Variants in ALB observed in about 807,000 individuals in gnomAD.
ALB encodes the protein albumin.
In ALB, 37 loss-of-function variants were observed where a neutral mutation model predicts 74.5. That is an observed-to-expected ratio of 0.50 (90% CI 0.38 to 0.65). The LOEUF is 0.65. ALB is among the 30% of genes least tolerant of loss of function. ALB has a pLI of 0.00. For missense variants in ALB, 685 were observed against 718.7 expected (o/e 0.95, Z 0.54); for synonymous variants, 249 against 251.6 (o/e 0.99, Z 0.10).
intron 6 of ALB, among the ~76,000 whole-genome samples, chr4:73,411,644 G>T (rs1023811306): frequency 1.1e-4 from 17 of 152,158 alleles, no homozygotes; most frequent in African/African-American, 3.9e-4. Flanking sequence ...GCTCAGAGAG[G>T]CTGAGCCCTC....
At chr4:73,404,996 G>A (rs1389433273) in intron 1 of ALB, 120 bp from the exon 2 acceptor site, 1 of 904,026 alleles carries the variant, frequency 1.1e-6, no homozygotes, top group East Asian at 2.6e-5. Context: ...AGGAATCAGA[G>A]CCCAATATTT....
chr4:73,409,399 C>T lies in ALB; in HGVS notation c.527C>T (p.Pro176Leu), dbSNP rs375860190. 9.9e-6 allele frequency: 16 copies of T among 1,613,804 alleles called. No individual in the cohort carries two copies. The highest frequency in any genetic ancestry group is 2.7e-5 in the African/African-American group (2 of 74,912). The change falls in exon 5 of 15, where the codon CCG becomes CTG. Residue 176 changes from proline (P) to leucine (L), a missense_variant. Transcript: ENST00000295897. ...IARRHPYFYA[P>L]ELLFFAKRYK... Reference sequence around the variant, plus strand: ...AGAAGACATCCTTACTTTTATGCCCCGGAACTCCTTTTCTTTGCTAAAAGG... The same window carrying T: ...AGAAGACATCCTTACTTTTATGCCCTGGAACTCCTTTTCTTTGCTAAAAGG...
rs202129361 is a variant in ALB at position 73,409,089 on chromosome 4, G to A, written c.483-266G>A. The A allele has an allele frequency of 5.0e-5, 29 of 574,574 alleles. No individual in the cohort carries two copies. In the South Asian group the frequency reaches 6.4e-4, roughly 13 times the overall value. 35.6% of individuals were successfully genotyped at this position (574,574 alleles called of 1,614,324 possible). On this transcript the variant is annotated intron_variant, in intron 4 of 14. Coordinates refer to ENST00000295897, the MANE Select transcript of ALB (RefSeq NM_000477.7). ...ATTACGAAGATATGTATATATGGTT[G>A]TTATAATTGATTTCGTTTTAGTCAG...
chr4:73,407,957 C>A (rs1718774073), intron 3 of ALB, among the ~76,000 whole-genome samples: 1 of 152,054 alleles, frequency 6.6e-6, no homozygotes, highest in African/African-American at 2.4e-5. Context: ...CATATGAAAT[C>A]TTAAAAATAC....
chr4:73,414,902 G>C, intron 8 of ALB, 133 bp from the exon 9 acceptor site: 1 of 1,098,144 alleles, frequency 9.1e-7, no homozygotes, highest in Non-Finnish European at 1.3e-6. Context: ...CAAGTCCTTA[G>C]CTACTAAGCT....
At chr4:73,413,684 C>T (rs763337522) in intron 8 of ALB, 50 bp downstream of exon 8, 98 of 1,560,090 alleles carry the variant, frequency 6.3e-5, no homozygotes, top group Non-Finnish European at 8.5e-5. Flanking sequence ...GACCTCACAA[C>T]TTAGGAGGAT....
chr4:73,420,443 A>G (rs1294572831), intron 14 of ALB, 122 bp downstream of exon 14: 1 of 554,150 alleles, frequency 1.8e-6, no homozygotes, highest in African/African-American at 1.9e-5. Context: ...CTATTTATGT[A>G]TGTAAATATT....
rs1232971594 is a variant in ALB, at chr4:73,409,381, A to G, written c.509A>G (p.His170Arg). Residue 170 changes from histidine (H) to arginine (R), a missense_variant, in exon 5 of 15, where the codon CAT becomes CGT. His to Arg is a conservative substitution (Grantham distance 29). Coordinates refer to ENST00000295897, the MANE Select transcript of ALB (RefSeq NM_000477.7). ...KKYLYEIARR[H>R]PYFYAPELLF... ...TACTTATATGAAATTGCCAGAAGAC[A>G]TCCTTACTTTTATGCCCCGGAACTC... The G allele has an allele frequency of 3.7e-6, 6 of 1,613,958 alleles. No homozygotes were observed. The highest frequency in any genetic ancestry group is 2.2e-5 in the East Asian group (1 of 44,874).
chr4:73,406,548 AC>A lies in ALB; in HGVS notation c.138-80del, dbSNP rs769747342. 71 of 1,320,298 alleles carry A rather than the reference AC, an allele frequency of 5.4e-5. No homozygotes were observed. The Middle Eastern group carries it at 2.2e-3, about 41-fold the overall frequency. 81.8% of individuals were successfully genotyped at this position (1,320,298 alleles called of 1,614,324 possible). A position where few individuals can be genotyped will look rare whatever the true frequency, so the allele number is the denominator to read the frequency against. On this transcript the variant is annotated intron_variant, in intron 2 of 14. Coordinates refer to ENST00000295897, the MANE Select transcript of ALB (RefSeq NM_000477.7). ...TATAAAAGATAGAACCTATACCCATACATGATTTGTTCTCTAGCGTAGCAAC... is the reference window on the plus strand; with the variant it reads ...TATAAAAGATAGAACCTATACCCATAATGATTTGTTCTCTAGCGTAGCAAC...
At chr4:73,411,813 A>G (rs557534232) in intron 6 of ALB, among the ~76,000 whole-genome samples, 183 bp from the exon 7 acceptor site, 1 of 152,342 alleles carries the variant, frequency 6.6e-6, no homozygotes, top group South Asian at 2.1e-4. Flanking sequence ...ACACACTCTT[A>G]AATGGATAAT....
intron 11 of ALB, 33 bp from the exon 12 acceptor site, chr4:73,418,055 T>C (rs1216402683): frequency 6.2e-7 from 1 of 1,607,516 alleles, no homozygotes. Flanking sequence ...GCTTCACCTC[T>C]TTTGAATTTC....
intron 10 of ALB, among the ~76,000 whole-genome samples, chr4:73,417,250 A>G (rs1719035022): frequency 6.6e-6 from 1 of 152,196 alleles, no homozygotes; most frequent in African/African-American, 2.4e-5. Context: ...TCCAGGTTTT[A>G]TTGAAAGAAG....
rs1472490015 is a variant in ALB at position 73,404,412 on chromosome 4, A to G, written c.79+6A>G. Reference sequence around the variant, plus strand: ...TGTGTTTCGTCGAGATGCACGTAAGAAATCCATTTTTCTATTGTTCAACTT... The same window carrying G: ...TGTGTTTCGTCGAGATGCACGTAAGGAATCCATTTTTCTATTGTTCAACTT... On this transcript the variant is annotated splice_donor_region_variant and intron_variant, in intron 1 of 14. Coordinates refer to ENST00000295897, the MANE Select transcript of ALB (RefSeq NM_000477.7). 1 of 1,606,374 alleles carries G rather than the reference A, an allele frequency of 6.2e-7. No individual in the cohort carries two copies. The highest frequency in any genetic ancestry group is 8.5e-7 in the Non-Finnish European group (1 of 1,173,206).
At chr4:73,406,094 AAAAC>A (rs926683304) in intron 2 of ALB, among the ~76,000 whole-genome samples, 4 of 151,990 alleles carry the variant, frequency 2.6e-5, no homozygotes, top group African/African-American at 9.7e-5. Flanking sequence ...TAAAAAAAAC[AAAAC>A]AAACAAACAA....
chr4:73,410,462 C>A, intron 6 of ALB, 53 bp downstream of exon 6: 2 of 1,282,334 alleles, frequency 1.6e-6, no homozygotes, highest in Non-Finnish European at 2.3e-6. Flanking sequence ...AATGATAATG[C>A]TTCAGTGACA....
rs766195754 is a variant in ALB, at chr4:73,406,768, A to G, written c.270+7A>G. On this transcript the variant is annotated splice_region_variant and intron_variant, in intron 3 of 14. Transcript: ENST00000295897. ...AAATTGTGACAAATCACTTGTAAGT[A>G]CATTCTAATTGTGGAGATTCTTTCT... 6.2e-7 allele frequency: 1 copy of G among 1,613,606 alleles called. No individual in the cohort carries two copies. The highest frequency in any genetic ancestry group is 1.7e-5 in the Admixed American group (1 of 60,026).
At position 73,414,951 on chromosome 4, in the gene ALB, T is replaced by C. The variant is rs1718975989; in HGVS notation, c.1059-84T>C. 7 of 1,532,840 alleles carry C rather than the reference T, an allele frequency of 4.6e-6. No homozygotes were observed. The African/African-American group carries it at 5.5e-5, about 12-fold the overall frequency. 95.0% of individuals were successfully genotyped at this position (1,532,840 alleles called of 1,614,324 possible). A position where few individuals can be genotyped will look rare whatever the true frequency, so the allele number is the denominator to read the frequency against. On this transcript the variant is annotated intron_variant, in intron 8 of 14. Coordinates refer to ENST00000295897, the MANE Select transcript of ALB (RefSeq NM_000477.7). ...TTTAGTCAAATTAAGACTTTTGGAATATGAGTTACTTTTGAGATTAGCTTT... is the reference window on the plus strand; with the variant it reads ...TTTAGTCAAATTAAGACTTTTGGAACATGAGTTACTTTTGAGATTAGCTTT...
intron 12 of ALB, 65 bp from the exon 13 acceptor site, chr4:73,419,442 C>G: frequency 6.6e-7 from 1 of 1,524,436 alleles, no homozygotes; most frequent in Non-Finnish European, 8.9e-7. Flanking sequence ...CTTACTCTCT[C>G]CATTTTTCTA....
At chr4:73,409,038 T>C (rs1442960574) in intron 4 of ALB, 1 of 580,666 alleles carries the variant, frequency 1.7e-6, no homozygotes, top group African/African-American at 1.9e-5. Flanking sequence ...TTCTGAAAAA[T>C]TTAAGATAGA....
Sources: gnomAD v4.1 joint callset for allele counts (sites outside exome capture counted in the v4.1 genomes callset) on GRCh38, gnomAD v4.1.1 for gene constraint, MANE v1.5 for transcripts, NCBI Gene and HGNC (gene_info 2026-07-23, HGNC 2026-07-21) for gene names.